CLYBL: variants seen among roughly 807,000 people sequenced by gnomAD.
The protein encoded by CLYBL is citramalyl-CoA lyase, mitochondrial.
In CLYBL, 31 loss-of-function variants were observed where a neutral mutation model predicts 38.9. The observed-to-expected ratio is 0.80, with a 90% CI of 0.60 to 1.08. The LOEUF (loss-of-function observed/expected upper bound fraction) is 1.08, where lower values mean the gene tolerates loss of function less well. Among genes scored for constraint, CLYBL ranks in the 50% least tolerant of loss-of-function variants. The pLI is 0.00. For synonymous variants in CLYBL, 171 were observed against 158.6 expected, an observed-to-expected ratio of 1.08 and a Z score of -0.59; for missense variants, 434 against 411.6, an observed-to-expected ratio of 1.05 and a Z score of -0.47.
rs1165919560 is a variant in CLYBL, at chr13:99,748,429, GTTTTTTTTTTTT to G, written c.63-24378_63-24367del. ...CTGGCAACTATCACTCTAGTTTTGT[GTTTTTTTTTTTT>G]TTTTTTTTTTTTTTTTGAGATGGAG... On this transcript the variant is annotated intron_variant, in intron 1 of 8. Coordinates refer to ENST00000339105, the MANE Select transcript of CLYBL (RefSeq NM_206808.5). Among the ~76,000 whole-genome samples the G allele has an allele frequency of 1.2e-3, 105 of 87,690 alleles. 1 individual carries two copies. The highest frequency in any genetic ancestry group is 5.5e-3 in the African/African-American group (104 of 18,740). 57.5% of individuals were successfully genotyped at this position (87,690 alleles called of 152,430 possible). A position where few individuals can be genotyped will look rare whatever the true frequency, so the allele number is the denominator to read the frequency against.
rs530521431 is a variant in CLYBL, at chr13:99,734,845, T to C, written c.63-37979T>C. 3.3e-5 allele frequency among the ~76,000 whole-genome samples: 5 copies of C among 152,294 alleles called. No individual in the cohort carries two copies. The South Asian group carries it at 1.0e-3, about 32-fold the overall frequency. ...TGCTGTTCCCCCCAAAAGATTTCCG[T>C]TCTTCTCACAAGTAGAACTATATTA... On this transcript the variant is annotated intron_variant, in intron 1 of 8. Transcript: ENST00000339105.
intron 2 of CLYBL, among the ~76,000 whole-genome samples, chr13:99,844,103 C>T (rs1036151185): frequency 6.6e-6 from 1 of 152,104 alleles, no homozygotes; most frequent in Admixed American, 6.6e-5. Context: ...CACAGAATTT[C>T]GTTTACTGAG....
intron 1 of CLYBL, chr13:99,727,453 A>G (rs2298066): frequency 0.26 from 39,473 of 151,746 alleles, 5,590 homozygotes; most frequent in South Asian, 0.37. Context: ...AGGTCTTCTC[A>G]TAAAATCCGA....
downstream of CLYBL, among the ~76,000 whole-genome samples, chr13:99,900,695 C>T (rs1000128759): frequency 6.6e-6 from 1 of 152,174 alleles, no homozygotes; most frequent in Admixed American, 6.5e-5. Context: ...CTTCCTCCTC[C>T]CTCGAGCTCC....
At chr13:99,733,058 C>T (rs1327127744) in intron 1 of CLYBL, among the ~76,000 whole-genome samples, 1 of 152,040 alleles carries the variant, frequency 6.6e-6, no homozygotes, top group East Asian at 1.9e-4. Context: ...ATATTTAATT[C>T]GCATCTGTTA....
intron 1 of CLYBL, among the ~76,000 whole-genome samples, chr13:99,722,283 T>C (rs1293913340): frequency 6.6e-6 from 1 of 152,216 alleles, no homozygotes; most frequent in Non-Finnish European, 1.5e-5. Context: ...CCCCTACTTA[T>C]TGTTTCAAGG....
At chr13:99,864,455 C>T (rs964552877) in intron 4 of CLYBL, among the ~76,000 whole-genome samples, 14 of 152,144 alleles carry the variant, frequency 9.2e-5, no homozygotes, top group Admixed American at 7.2e-4. Context: ...AAAATTCCTT[C>T]CTTCTCCCCT....
rs138000063 is a variant in CLYBL at position 99,832,653 on chromosome 13, G to T, written c.250-26208G>T. Reference sequence around the variant, plus strand: ...GAAGTTATCATTCAAGGGAGTTCAAGAACTCATCCCTTAAGTGGACTGGGC... The same window carrying T: ...GAAGTTATCATTCAAGGGAGTTCAATAACTCATCCCTTAAGTGGACTGGGC... On this transcript the variant is annotated intron_variant, in intron 2 of 8. Transcript: ENST00000339105. Among the ~76,000 whole-genome samples, 1,237 of 152,144 alleles carry T rather than the reference G, an allele frequency of 8.1e-3. 9 individuals carry two copies. Among genetic ancestry groups the T allele is most frequent in the Middle Eastern group, 0.024 (7 of 294 alleles).
intron 1 of CLYBL, 138 bp downstream of exon 1, chr13:99,606,895 A>G (rs1280520737): frequency 7.9e-7 from 1 of 1,259,868 alleles, no homozygotes; most frequent in Non-Finnish European, 1.0e-6. Context: ...TGCGCCTCCC[A>G]CGCGCTGGCT....
At chr13:99,889,374 G>A (rs1254834888) in intron 7 of CLYBL, among the ~76,000 whole-genome samples, 2 of 152,152 alleles carry the variant, frequency 1.3e-5, no homozygotes, top group Non-Finnish European at 2.9e-5. Flanking sequence ...CGATTGCCTT[G>A]TAAAACAGCA....
At chr13:99,804,518 G>A (rs1400093401) in intron 2 of CLYBL, among the ~76,000 whole-genome samples, 2 of 151,988 alleles carry the variant, frequency 1.3e-5, no homozygotes, top group African/African-American at 4.8e-5. Context: ...TATACATGAA[G>A]ACAGAGTAAT....
intron 1 of CLYBL, among the ~76,000 whole-genome samples, chr13:99,622,710 C>T (rs2139207975): frequency 6.6e-6 from 1 of 152,332 alleles, no homozygotes; most frequent in Non-Finnish European, 1.5e-5. Context: ...TCCCTCCTCT[C>T]CTCAACCCCT....
intron 2 of CLYBL, among the ~76,000 whole-genome samples, chr13:99,796,655 C>T (rs1021070312): frequency 6.6e-6 from 1 of 152,202 alleles, no homozygotes; most frequent in African/African-American, 2.4e-5. Context: ...GCACTTTGAT[C>T]ACCACATTTG....
At chr13:99,687,465 C>T (rs1301978467) in intron 1 of CLYBL, among the ~76,000 whole-genome samples, 2 of 152,248 alleles carry the variant, frequency 1.3e-5, no homozygotes, top group Non-Finnish European at 2.9e-5. Flanking sequence ...TAGTCAGCAT[C>T]GGACTGAGGG....
intron 6 of CLYBL, among the ~76,000 whole-genome samples, chr13:99,870,522 AC>A (rs915822378): frequency 6.6e-6 from 1 of 152,212 alleles, no homozygotes; most frequent in African/African-American, 2.4e-5. Context: ...AAAGCAAAAG[AC>A]ACCTTATAAA....
At chr13:99,735,119 G>GA (rs1179310938) in intron 1 of CLYBL, among the ~76,000 whole-genome samples, 1 of 151,896 alleles carries the variant, frequency 6.6e-6, no homozygotes, top group African/African-American at 2.4e-5. Context: ...ATTTTGAAGG[G>GA]AAAAAAAGAT....
At chr13:99,738,588 A>G (rs1449197161) in intron 1 of CLYBL, among the ~76,000 whole-genome samples, 1 of 152,198 alleles carries the variant, frequency 6.6e-6, no homozygotes, top group Non-Finnish European at 1.5e-5. Context: ...CTTGTGCTCA[A>G]TGGTGATAAG....
At chr13:99,741,482 T>C (rs994105280) in intron 1 of CLYBL, among the ~76,000 whole-genome samples, 4 of 151,978 alleles carry the variant, frequency 2.6e-5, no homozygotes, top group African/African-American at 9.7e-5. Flanking sequence ...GGCTGACTGC[T>C]GAATAAAAGG....
intron 1 of CLYBL, among the ~76,000 whole-genome samples, chr13:99,629,654 A>C (rs758879988): frequency 1.3e-4 from 20 of 152,168 alleles, no homozygotes; most frequent in Non-Finnish European, 1.8e-4. Flanking sequence ...AGGGAAGGGT[A>C]GGCCTTTAAT....
Sources: allele counts gnomAD v4.1 joint callset (sites outside exome capture counted in the v4.1 genomes callset), GRCh38; gene constraint gnomAD v4.1.1; transcripts MANE v1.5; gene names NCBI Gene and HGNC (gene_info 2026-07-23, HGNC 2026-07-21).